Variants in NPAS3 observed in about 807,000 individuals in gnomAD.
The protein encoded by NPAS3 is neuronal PAS domain protein 3.
A neutral mutation model predicts 73.1 loss-of-function variants in NPAS3; 14 were observed. The ratio of observed to expected loss-of-function variants is 0.19; its 90% CI spans 0.13 to 0.30. The LOEUF (loss-of-function observed/expected upper bound fraction) is 0.30. Ranked by LOEUF, NPAS3 falls within the 10% of genes least tolerant of loss-of-function variation. NPAS3 has a pLI of 1.00. For synonymous variants in NPAS3, 620 were observed against 541.5 expected (o/e 1.14, Z -2.01); for missense variants, 1,096 against 1,250.0 (o/e 0.88, Z 1.86).
intron 11 of NPAS3, among the ~76,000 whole-genome samples, chr14:33,798,435 G>C (rs1006772030): frequency 3.3e-5 from 5 of 152,244 alleles, no homozygotes; most frequent in Admixed American, 2.0e-4. Context: ...CTACAGAAGG[G>C]GAGGCAATGA....
intron 5 of NPAS3, among the ~76,000 whole-genome samples, chr14:33,669,476 GGAAAA>G (rs1415367139): frequency 6.6e-6 from 1 of 152,058 alleles, no homozygotes; most frequent in Admixed American, 6.5e-5. Context: ...TGTCTCTTAA[GGAAAA>G]GAAAAGGATA....
At position 33,506,588 on chromosome 14, in the gene NPAS3, C is replaced by T. The variant is rs369590234; in HGVS notation, c.469-53533C>T. Reference sequence around the variant, plus strand: ...ATTTTTCCATCCAAACCATCTTCTACGAAATAAATCCACAAATTTTGTATT... The same window carrying T: ...ATTTTTCCATCCAAACCATCTTCTATGAAATAAATCCACAAATTTTGTATT... On this transcript the variant is annotated intron_variant, in intron 4 of 11. Coordinates refer to ENST00000356141, the Ensembl canonical transcript of NPAS3. 3.8e-4 allele frequency among the ~76,000 whole-genome samples: 58 copies of T among 152,048 alleles called. No homozygotes were observed. In the East Asian group the frequency reaches 5.3e-3, roughly 14 times the overall value.
intron 1 of NPAS3, among the ~76,000 whole-genome samples, chr14:32,976,475 C>T (rs1437219357): frequency 2.6e-5 from 4 of 152,074 alleles, no homozygotes; most frequent in Non-Finnish European, 5.9e-5. Context: ...TTTATATATT[C>T]GTACTTTAGA....
chr14:33,584,818 A>G (rs1220619164), intron 5 of NPAS3, among the ~76,000 whole-genome samples: 2 of 152,170 alleles, frequency 1.3e-5, no homozygotes, highest in Non-Finnish European at 2.9e-5. Context: ...TTCTTCAGGA[A>G]AAGTTAACAC....
chr14:33,093,766 A>G (rs2042310884), intron 2 of NPAS3, among the ~76,000 whole-genome samples: 1 of 152,326 alleles, frequency 6.6e-6, no homozygotes. Flanking sequence ...TAGCACATAT[A>G]CACCATGGAA....
At chr14:33,603,757 C>T (rs535338269) in intron 5 of NPAS3, among the ~76,000 whole-genome samples, 10 of 152,064 alleles carry the variant, frequency 6.6e-5, no homozygotes, top group African/African-American at 1.4e-4. Context: ...GAAACAGCAA[C>T]GGGAGTGAAT....
intron 4 of NPAS3, among the ~76,000 whole-genome samples, chr14:33,452,339 T>G (rs1305470532): frequency 6.6e-6 from 1 of 152,220 alleles, no homozygotes; most frequent in African/African-American, 2.4e-5. Flanking sequence ...GGTGACAAAC[T>G]GAATTTATTA....
At chr14:33,582,911 T>C (rs1237372762) in intron 5 of NPAS3, among the ~76,000 whole-genome samples, 1 of 150,824 alleles carries the variant, frequency 6.6e-6, no homozygotes, top group East Asian at 1.9e-4. Context: ...TGATTTTAGT[T>C]AAAAATACAT....
chr14:33,547,848 T>A (rs1392572365), intron 4 of NPAS3, among the ~76,000 whole-genome samples: 2 of 152,186 alleles, frequency 1.3e-5, no homozygotes, highest in Non-Finnish European at 2.9e-5. Flanking sequence ...GCAACAGTTG[T>A]CAGGGGGATT....
chr14:33,789,453 C>T (rs2063281315), intron 9 of NPAS3, among the ~76,000 whole-genome samples: 1 of 152,152 alleles, frequency 6.6e-6, no homozygotes, highest in African/African-American at 2.4e-5. Flanking sequence ...TGGGACCTTT[C>T]AAGATTCTAA....
chr14:33,499,764 C>T (rs1227267577), intron 4 of NPAS3, among the ~76,000 whole-genome samples: 1 of 151,970 alleles, frequency 6.6e-6, no homozygotes, highest in Admixed American at 6.6e-5. Flanking sequence ...CTGAACAGCG[C>T]CCCACACACT....
chr14:33,183,602 C>A (rs1472227195), intron 2 of NPAS3, among the ~76,000 whole-genome samples: 2 of 151,832 alleles, frequency 1.3e-5, no homozygotes, highest in African/African-American at 4.8e-5. Context: ...CCCACATCTC[C>A]CAACTGAAAT....
At chr14:33,326,416 A>G (rs191370903) in intron 3 of NPAS3, among the ~76,000 whole-genome samples, 252 of 152,348 alleles carry the variant, frequency 1.7e-3, no homozygotes, top group South Asian at 6.8e-3. Context: ...GGCTATTTTT[A>G]TACTTTAGCT....
intron 4 of NPAS3, among the ~76,000 whole-genome samples, chr14:33,377,299 C>G (rs2046351681): frequency 6.6e-6 from 1 of 152,168 alleles, no homozygotes; most frequent in African/African-American, 2.4e-5. Context: ...CTCCTTTGGA[C>G]TAAAGTGTGA....
intron 3 of NPAS3, among the ~76,000 whole-genome samples, chr14:33,320,452 A>T (rs75384869): frequency 0.036 from 5,444 of 152,220 alleles, 109 homozygotes; most frequent in Non-Finnish European, 0.054. Flanking sequence ...AAAAATTTTT[A>T]AAAAAGAAAG....
chr14:33,451,480 C>T (rs914650402), intron 4 of NPAS3, among the ~76,000 whole-genome samples: 2 of 152,168 alleles, frequency 1.3e-5, no homozygotes, highest in Non-Finnish European at 1.5e-5. Flanking sequence ...CCCTGAAGTG[C>T]GTTGCCCATT....
intron 2 of NPAS3, among the ~76,000 whole-genome samples, chr14:33,148,821 A>G (rs2044340733): frequency 6.6e-6 from 1 of 152,044 alleles, no homozygotes; most frequent in South Asian, 2.1e-4. Flanking sequence ...CCAAGTAGCT[A>G]GGACCACTGA....
chr14:33,683,935 ACATCCCTCTGAGG>A (rs2060012633), intron 6 of NPAS3, among the ~76,000 whole-genome samples: 3 of 152,192 alleles, frequency 2.0e-5, no homozygotes, highest in Admixed American at 1.3e-4. Context: ...AATTCACACC[ACATCCCTCTGAGG>A]CAGGTCAGTG....
chr14:33,625,613 T>TA (rs1402344575), intron 5 of NPAS3, among the ~76,000 whole-genome samples: 3 of 152,196 alleles, frequency 2.0e-5, no homozygotes, highest in Non-Finnish European at 4.4e-5. Context: ...TATCTGACAT[T>TA]ATTCCAAAGG....
Sources: allele counts gnomAD v4.1 joint callset (sites outside exome capture counted in the v4.1 genomes callset), GRCh38; gene constraint gnomAD v4.1.1; transcripts MANE v1.5; gene names NCBI Gene and HGNC (gene_info 2026-07-23, HGNC 2026-07-21).